The following MIB1 variants were observed in gnomAD, a reference collection of about 807,000 sequenced individuals.
MIB1 encodes MIB E3 ubiquitin protein ligase 1, also known as E3 ubiquitin-protein ligase MIB1.
MIB1 carries 278 observed loss-of-function variants against 124.5 expected under a neutral mutation model. The observed-to-expected ratio is 2.23, with a 90% CI of 2.02 to 2.47. The LOEUF is 2.47. Ranked by LOEUF, MIB1 falls within the 30% of genes most tolerant of loss-of-function variation. The pLI is 0.00. For synonymous variants in MIB1, 446 were observed against 429.4 expected (o/e 1.04, Z -0.48); for missense variants, 957 against 1,254.4 (o/e 0.76, Z 3.58).
chr18:21,724,726 AAATATATATAT>A (rs1267541802), intron 1 of MIB1, among the ~76,000 whole-genome samples: 2 of 52,828 alleles, frequency 3.8e-5, no homozygotes, highest in African/African-American at 1.5e-4. Flanking sequence ...AAAAAAAAAA[AAATATATATAT>A]ATATATATAT....
At chr18:21,858,958 T>C (rs2042251080) in intron 20 of MIB1, among the ~76,000 whole-genome samples, 4 of 152,212 alleles carry the variant, frequency 2.6e-5, no homozygotes. Context: ...CAGTATCAAA[T>C]GTTAGGCAGA....
chr18:21,783,137 T>A (rs997027385), intron 6 of MIB1, among the ~76,000 whole-genome samples: 1 of 152,134 alleles, frequency 6.6e-6, no homozygotes, highest in Admixed American at 6.5e-5. Flanking sequence ...TTCCATCCCT[T>A]CACTTTCAGT....
At chr18:21,762,809 T>C (rs900247789) in intron 1 of MIB1, among the ~76,000 whole-genome samples, 1 of 152,204 alleles carries the variant, frequency 6.6e-6, no homozygotes, top group Admixed American at 6.5e-5. Flanking sequence ...AATCTTTTAA[T>C]TCACAGATGA....
At chr18:21,814,323 G>A (rs2041805418) in intron 10 of MIB1, among the ~76,000 whole-genome samples, 1 of 149,306 alleles carries the variant, frequency 6.7e-6, no homozygotes, top group African/African-American at 2.5e-5. Context: ...CAGTTTTAAT[G>A]TGTTGATAAA....
intron 2 of MIB1, 44 bp from the exon 3 acceptor site, chr18:21,768,579 A>G: frequency 7.5e-7 from 1 of 1,340,922 alleles, no homozygotes; most frequent in Non-Finnish European, 1.0e-6. Context: ...AATTATTGTT[A>G]CCTATTTTTA....
chr18:21,815,051 AT>A (rs2041816350), intron 10 of MIB1, among the ~76,000 whole-genome samples: 12 of 131,082 alleles, frequency 9.2e-5, no homozygotes, highest in Admixed American at 7.5e-4. Context: ...ATATATATAT[AT>A]ATATAAAATT....
chr18:21,806,776 G>A (rs573481058), intron 10 of MIB1, among the ~76,000 whole-genome samples: 229 of 151,808 alleles, frequency 1.5e-3, no homozygotes, highest in African/African-American at 5.1e-3. Flanking sequence ...GGCGCACGCC[G>A]CCACACCTGT....
chr18:21,745,295 T>C (rs1325358863), intron 1 of MIB1, among the ~76,000 whole-genome samples: 1 of 152,202 alleles, frequency 6.6e-6, no homozygotes, highest in Non-Finnish European at 1.5e-5. Flanking sequence ...CTTGGCACTA[T>C]TGACATTTTG....
At chr18:21,772,897 A>G (rs57237841) in intron 3 of MIB1, among the ~76,000 whole-genome samples, 68 of 152,316 alleles carry the variant, frequency 4.5e-4, no homozygotes, top group African/African-American at 1.6e-3. Context: ...TAGTTGACCA[A>G]AAAGGTTTAT....
chr18:21,811,567 C>A (rs1380509233), intron 10 of MIB1, among the ~76,000 whole-genome samples: 1 of 152,052 alleles, frequency 6.6e-6, no homozygotes, highest in African/African-American at 2.4e-5. Flanking sequence ...CACATAAGAT[C>A]CTTGAGGCCA....
In MIB1 at chr18:21,856,997, A is replaced by G. The variant is rs1423119927; in HGVS notation, c.2666-133A>G. On this transcript the variant is annotated intron_variant, in intron 18 of 20. Coordinates refer to ENST00000261537, the MANE Select transcript of MIB1 (RefSeq NM_020774.4). ...TAGGTTGATAACATTTTAAGGAGGT[A>G]GAATTGCATATTGCTATAACTTGTA... The G allele has an allele frequency of 4.7e-6, 3 of 641,844 alleles. No homozygotes were observed. The East Asian group carries it at 8.2e-5, about 18-fold the overall frequency. The allele number at this position is 641,844 out of a possible 1,614,324, so 39.8% of individuals were successfully genotyped here. A position where few individuals can be genotyped will look rare whatever the true frequency, so the allele number is the denominator to read the frequency against.
intron 12 of MIB1, chr18:21,829,191 A>G: frequency 8.5e-6 from 3 of 351,404 alleles, no homozygotes; most frequent in Non-Finnish European, 1.7e-5. Context: ...TCATTTGCAG[A>G]GACTAATTTA....
chr18:21,815,054 T>TATAA (rs1266168096), intron 10 of MIB1, among the ~76,000 whole-genome samples: 1 of 112,616 alleles, frequency 8.9e-6, no homozygotes, highest in African/African-American at 3.3e-5. Context: ...TATATATATA[T>TATAA]ATAAAATTAT....
At chr18:21,774,238 A>G (rs985307162) in intron 4 of MIB1, among the ~76,000 whole-genome samples, 11 of 152,240 alleles carry the variant, frequency 7.2e-5, no homozygotes, top group Admixed American at 1.3e-4. Context: ...TAGAAAAATA[A>G]TGGAGGTTTA....
chr18:21,815,056 T>TATAA (rs1336150496), intron 10 of MIB1, among the ~76,000 whole-genome samples: 9 of 114,258 alleles, frequency 7.9e-5, no homozygotes, highest in African/African-American at 2.8e-4. Flanking sequence ...TATATATATA[T>TATAA]AAAATTATAT....
At chr18:21,758,127 A>G (rs1371901244) in intron 1 of MIB1, among the ~76,000 whole-genome samples, 1 of 152,214 alleles carries the variant, frequency 6.6e-6, no homozygotes, top group African/African-American at 2.4e-5. Context: ...ACTTTTTAGA[A>G]TTGTTGGGAA....
intron 1 of MIB1, among the ~76,000 whole-genome samples, chr18:21,742,402 G>A (rs1425919959): frequency 6.6e-6 from 1 of 151,554 alleles, no homozygotes; most frequent in Non-Finnish European, 1.5e-5. Flanking sequence ...TATATCAATA[G>A]AGAGAAAAAC....
intron 6 of MIB1, among the ~76,000 whole-genome samples, chr18:21,780,019 G>T (rs964053612): frequency 6.6e-6 from 1 of 152,012 alleles, no homozygotes; most frequent in African/African-American, 2.4e-5. Flanking sequence ...TTCTGTGTTC[G>T]TATTGGACTA....
At chr18:21,765,700 T>C (rs2146406501) in intron 1 of MIB1, 72 bp from the exon 2 acceptor site, 1 of 1,449,474 alleles carries the variant, frequency 6.9e-7, no homozygotes, top group East Asian at 2.3e-5. Context: ...TTCTTATTTT[T>C]TTCCCCCAAG....
Sources: allele counts gnomAD v4.1 joint callset (sites outside exome capture counted in the v4.1 genomes callset), GRCh38; gene constraint gnomAD v4.1.1; transcripts MANE v1.5; gene names NCBI Gene and HGNC (gene_info 2026-07-23, HGNC 2026-07-21).